FER: variants seen among roughly 807,000 people sequenced by gnomAD.
The protein encoded by FER is tyrosine-protein kinase Fer.
In FER, 63 loss-of-function variants were observed where a neutral mutation model predicts 111.0. The ratio of observed to expected loss-of-function variants is 0.57; its 90% CI spans 0.46 to 0.70. The LOEUF (loss-of-function observed/expected upper bound fraction) is 0.70, where lower values mean the gene tolerates loss of function less well. FER is among the 30% of genes least tolerant of loss of function. The pLI is 0.00. For missense variants in FER, 914 were observed against 954.0 expected (o/e 0.96, Z 0.55); for synonymous variants, 327 against 313.9 (o/e 1.04, Z -0.44).
chr5:109,028,381 CTT>C (rs1159562403), intron 13 of FER, among the ~76,000 whole-genome samples: 8 of 152,256 alleles, frequency 5.3e-5, no homozygotes, highest in South Asian at 2.1e-4. Context: ...GAACTTGAAA[CTT>C]AAAATAGAAT....
chr5:108,975,163 A>G (rs1030842489), intron 13 of FER, among the ~76,000 whole-genome samples: 7 of 152,162 alleles, frequency 4.6e-5, no homozygotes, highest in Non-Finnish European at 7.4e-5. Flanking sequence ...CAGAAAACCA[A>G]ACACTGCATG....
At chr5:109,048,492 T>C (rs1325631266) in intron 16 of FER, among the ~76,000 whole-genome samples, 1 of 152,192 alleles carries the variant, frequency 6.6e-6, no homozygotes, top group Non-Finnish European at 1.5e-5. Flanking sequence ...CTGGTCTTAC[T>C]GTAATTGTTA....
chr5:108,878,202 G>A (rs1765292966), intron 8 of FER, among the ~76,000 whole-genome samples: 1 of 151,942 alleles, frequency 6.6e-6, no homozygotes. Context: ...CCAACATGCT[G>A]GGCTTCCTTT....
intron 10 of FER, among the ~76,000 whole-genome samples, chr5:108,914,229 CTCTG>C (rs372967745): frequency 0.039 from 5,394 of 137,900 alleles, 127 homozygotes; most frequent in South Asian, 0.1. Flanking sequence ...TAACTTGTCT[CTCTG>C]TGTGTGTGTG....
intron 1 of FER, among the ~76,000 whole-genome samples, chr5:108,759,585 C>T (rs1031945378): frequency 6.6e-5 from 10 of 152,200 alleles, no homozygotes; most frequent in Admixed American, 4.6e-4. Flanking sequence ...AATTTATTCT[C>T]TCACAGTTCT....
chr5:109,031,958 A>C (rs1357356585), intron 13 of FER, among the ~76,000 whole-genome samples: 3 of 152,226 alleles, frequency 2.0e-5, no homozygotes, highest in Non-Finnish European at 2.9e-5. Context: ...AAGCAGTGCT[A>C]GCAATGCTTA....
chr5:108,936,163 T>C (rs1349822692), intron 10 of FER, among the ~76,000 whole-genome samples: 2 of 152,008 alleles, frequency 1.3e-5, no homozygotes, highest in African/African-American at 4.8e-5. Flanking sequence ...GGAAAATACC[T>C]GGGGATTCAT....
intron 17 of FER, among the ~76,000 whole-genome samples, chr5:109,131,518 T>C (rs1350721496): frequency 6.6e-6 from 1 of 152,146 alleles, no homozygotes; most frequent in African/African-American, 2.4e-5. Flanking sequence ...TACCTTAAGC[T>C]TTCTTTATCT....
chr5:109,123,565 G>GTT (rs1264095918), intron 17 of FER, among the ~76,000 whole-genome samples: 1 of 151,758 alleles, frequency 6.6e-6, no homozygotes, highest in East Asian at 1.9e-4. Flanking sequence ...TAAATTTGAG[G>GTT]TTATGAGGCT....
chr5:109,180,291 C>T (rs1236832570), intron 17 of FER, among the ~76,000 whole-genome samples: 1 of 152,138 alleles, frequency 6.6e-6, no homozygotes, highest in African/African-American at 2.4e-5. Flanking sequence ...ATCTACTAGG[C>T]ACATGCAGCT....
intron 16 of FER, among the ~76,000 whole-genome samples, chr5:109,093,681 T>G (rs2150049809): frequency 6.6e-6 from 1 of 152,318 alleles, no homozygotes; most frequent in Non-Finnish European, 1.5e-5. Context: ...TTTTTAAATT[T>G]AAATGTATTT....
chr5:108,822,767 A>ATTTTATTTG (rs1759027322), intron 3 of FER, among the ~76,000 whole-genome samples: 2 of 98,316 alleles, frequency 2.0e-5, no homozygotes, highest in Non-Finnish European at 4.7e-5. Context: ...TATTTTATTT[A>ATTTTATTTG]TTTTATTTTA....
chr5:109,086,095 G>A (rs1777534031), intron 16 of FER, among the ~76,000 whole-genome samples: 1 of 151,658 alleles, frequency 6.6e-6, no homozygotes, highest in Admixed American at 6.6e-5. Context: ...AAGAAAATTT[G>A]TATATGATTG....
chr5:108,915,179 A>G (rs1206967143), intron 10 of FER, among the ~76,000 whole-genome samples: 9 of 152,180 alleles, frequency 5.9e-5, no homozygotes, highest in African/African-American at 1.9e-4. Flanking sequence ...GTCATTACAA[A>G]TAGCTACTTT....
intron 16 of FER, among the ~76,000 whole-genome samples, chr5:109,086,117 T>G (rs912855902): frequency 1.3e-5 from 2 of 151,770 alleles, no homozygotes; most frequent in African/African-American, 2.4e-5. Context: ...TTCTATTTTT[T>G]TCTTAAGTAT....
intron 8 of FER, among the ~76,000 whole-genome samples, chr5:108,877,425 G>A (rs1765199350): frequency 6.6e-6 from 1 of 152,176 alleles, no homozygotes; most frequent in Non-Finnish European, 1.5e-5. Context: ...GATTAAGTGG[G>A]TATTAGGAGG....
chr5:108,889,195 A>G (rs954620482), intron 9 of FER, among the ~76,000 whole-genome samples: 2 of 151,924 alleles, frequency 1.3e-5, no homozygotes, highest in Non-Finnish European at 2.9e-5. Context: ...CCATCCAGCA[A>G]TCTCACTGCT....
intron 16 of FER, among the ~76,000 whole-genome samples, chr5:109,056,052 G>A (rs1429300379): frequency 6.6e-6 from 1 of 152,142 alleles, no homozygotes; most frequent in African/African-American, 2.4e-5. Context: ...AATTAGGATG[G>A]CTATTTTTAA....
chr5:108,997,733 T>G (rs1015047059), intron 13 of FER, among the ~76,000 whole-genome samples: 4 of 152,070 alleles, frequency 2.6e-5, no homozygotes, highest in Non-Finnish European at 5.9e-5. Flanking sequence ...CTCCCACAGC[T>G]GCCTCTTTCC....
Sources: gnomAD v4.1 joint callset for allele counts (sites outside exome capture counted in the v4.1 genomes callset) on GRCh38, gnomAD v4.1.1 for gene constraint, MANE v1.5 for transcripts, NCBI Gene and HGNC (gene_info 2026-07-23, HGNC 2026-07-21) for gene names.